Variants in NUP54 observed in about 807,000 individuals in gnomAD.
NUP54 encodes nucleoporin p54.
Under a neutral mutation model 66.4 loss-of-function variants are expected in NUP54, and 27 were observed. That is an observed-to-expected ratio of 0.41 (90% CI 0.30 to 0.56). NUP54 has a LOEUF of 0.56. Among genes scored for constraint, NUP54 ranks in the 20% least tolerant of loss-of-function variants. NUP54 has a pLI of 0.34. For synonymous variants in NUP54, 206 were observed against 210.7 expected (o/e 0.98, Z 0.19); for missense variants, 486 against 596.3 (o/e 0.82, Z 1.93).
At chr4:76,116,396 A>T (rs1416538872) in intron 11 of NUP54, among the ~76,000 whole-genome samples, 1 of 152,206 alleles carries the variant, frequency 6.6e-6, no homozygotes. Flanking sequence ...CCTCAGGGCC[A>T]TGCCAACAGT....
chr4:76,124,729 G>T lies in NUP54; in HGVS notation c.1084C>A (p.Gln362Lys), dbSNP rs1185859741. 7.8e-7 allele frequency: 1 copy of T among 1,275,528 alleles called. No homozygotes were observed. Among genetic ancestry groups the T allele is most frequent in the Non-Finnish European group, 1.1e-6 (1 of 934,302 alleles). 79.0% of individuals were successfully genotyped at this position (1,275,528 alleles called of 1,614,324 possible). Residue 362 changes from glutamine (Q) to lysine (K), a missense_variant, in exon 9 of 12, where the codon CAA (glutamine) becomes AAA (lysine). Around this residue, in one of 4 missense-constraint regions of NUP54, gnomAD observed 217 missense variants for 247.9 expected, o/e 0.88. Transcript: ENST00000264883. Reference sequence around the variant, plus strand: ...GCTACAGATGTAGTTTGATTCTTTTGTAGCTCACTAATATCTTCAGATATG... The same window carrying T: ...GCTACAGATGTAGTTTGATTCTTTTTTAGCTCACTAATATCTTCAGATATG... Reference protein sequence around the residue: ...DIISEDISELQKNQTTSVAKI... With the variant: ...DIISEDISELKKNQTTSVAKI...
In NUP54 at chr4:76,115,174, G is replaced by C. The variant is rs1729893091; in HGVS notation, c.*192C>G. 4 of 434,100 alleles carry C rather than the reference G, an allele frequency of 9.2e-6. 1 individual carries two copies. In the South Asian group the frequency reaches 2.9e-4, roughly 31 times the overall value. 26.9% of individuals were successfully genotyped at this position (434,100 alleles called of 1,614,324 possible). ...GCTTTTAGATATAAATCTTTCAAAG[G>C]TTTTCTTTGAAGAGCTGTGAGGTGA... is the stretch of plus-strand genomic sequence containing the variant. On this transcript the variant is annotated 3_prime_UTR_variant, in exon 12 of 12. Transcript: ENST00000264883.
chr4:76,124,604 A>G, intron 9 of NUP54, 45 bp downstream of exon 9: 1 of 763,510 alleles, frequency 1.3e-6, no homozygotes, highest in East Asian at 2.7e-5. Context: ...ATTATTTCAC[A>G]CACATAGTCT....
chr4:76,140,258 G>A (rs1167549242), intron 3 of NUP54, among the ~76,000 whole-genome samples: 1 of 149,916 alleles, frequency 6.7e-6, no homozygotes, highest in Non-Finnish European at 1.5e-5. Context: ...TGAAGGAATT[G>A]CAATAAGGGA....
chr4:76,136,454 A>G (rs762905784), intron 3 of NUP54, 42 bp from the exon 4 acceptor site: 38 of 1,530,940 alleles, frequency 2.5e-5, no homozygotes, highest in Non-Finnish European at 3.3e-5. Context: ...ACAAAACAAA[A>G]CAAAACTTAA....
At position 76,114,904 on chromosome 4, in the gene NUP54, T is replaced by C. The variant is rs1443462835; in HGVS notation, c.*462A>G. The C allele has an allele frequency of 1.3e-5, 2 of 152,238 alleles. No individual in the cohort carries two copies. Among genetic ancestry groups the C allele is most frequent in the African/African-American group, 4.8e-5 (2 of 41,436 alleles). 9.4% of individuals were successfully genotyped at this position (152,238 alleles called of 1,614,324 possible). On this transcript the variant is annotated 3_prime_UTR_variant, in exon 12 of 12. Transcript: ENST00000264883. Reference sequence around the variant, plus strand: ...TTTCTTTACTCCTCCCACAGATGAGTTCACAAATACAAAAACTGGTGTACA... The same window carrying C: ...TTTCTTTACTCCTCCCACAGATGAGCTCACAAATACAAAAACTGGTGTACA...
At chr4:76,137,491 C>T (rs1236449475) in intron 3 of NUP54, among the ~76,000 whole-genome samples, 1 of 152,034 alleles carries the variant, frequency 6.6e-6, no homozygotes, top group East Asian at 1.9e-4. Context: ...TTGGGGGATA[C>T]AAAGTCTAAA....
intron 3 of NUP54, among the ~76,000 whole-genome samples, chr4:76,142,805 C>T (rs1434241580): frequency 6.6e-6 from 1 of 152,034 alleles, no homozygotes; most frequent in Non-Finnish European, 1.5e-5. Context: ...AGAATGGTAA[C>T]TGCAATGGAT....
chr4:76,128,220 G>A (rs563508090), intron 8 of NUP54, among the ~76,000 whole-genome samples: 1 of 152,122 alleles, frequency 6.6e-6, no homozygotes, highest in East Asian at 1.9e-4. Context: ...TCTGTACACT[G>A]CAGAATGTGT....
At chr4:76,137,976 T>A (rs1467236465) in intron 3 of NUP54, among the ~76,000 whole-genome samples, 2 of 152,186 alleles carry the variant, frequency 1.3e-5, no homozygotes, top group Admixed American at 6.5e-5. Context: ...GGTATGTAGA[T>A]GAGGAGAAAA....
rs1217333459 is a variant in NUP54, at chr4:76,115,296, T to C, written c.*70A>G. The C allele has an allele frequency of 7.3e-7, 1 of 1,367,210 alleles. No homozygotes were observed. The highest frequency in any genetic ancestry group is 2.7e-5 in the East Asian group (1 of 37,052). The allele number at this position is 1,367,210 out of a possible 1,614,324, so 84.7% of individuals were successfully genotyped here. ...TCTTTTTCCCTCCATGTGGTCGGTT[T>C]CATTCTTAAGGAAGGTCTGATGCAG... is the stretch of plus-strand genomic sequence containing the variant. On this transcript the variant is annotated 3_prime_UTR_variant, in exon 12 of 12. Coordinates refer to ENST00000264883, the MANE Select transcript of NUP54 (RefSeq NM_017426.4).
At chr4:76,117,394 AT>A (rs1301437620) in intron 11 of NUP54, among the ~76,000 whole-genome samples, 1 of 152,150 alleles carries the variant, frequency 6.6e-6, no homozygotes, top group Non-Finnish European at 1.5e-5. Context: ...GTGTACAAAT[AT>A]GTTTTGAGTC....
intron 3 of NUP54, among the ~76,000 whole-genome samples, chr4:76,140,961 C>T (rs1578693064): frequency 2.6e-5 from 4 of 152,296 alleles, no homozygotes; most frequent in Admixed American, 1.3e-4. Flanking sequence ...AAAGAGCTAA[C>T]AGAGCAGAAA....
At chr4:76,146,293 T>C (rs775313910) in intron 1 of NUP54, among the ~76,000 whole-genome samples, 3 of 152,180 alleles carry the variant, frequency 2.0e-5, no homozygotes, top group Non-Finnish European at 4.4e-5. Context: ...ACAAGTTTAT[T>C]TATTGTTGTT....
Position 76,136,371 on chromosome 4 carries a change from G to C in NUP54, c.337C>G (p.Gln113Glu). The change falls in exon 4 of 12, where the codon CAG becomes GAG. Residue 113 changes from glutamine (Q) to glutamate (E), a missense_variant. Coordinates refer to ENST00000264883, the MANE Select transcript of NUP54 (RefSeq NM_017426.4). ...LFSQPTQAPT[Q>E]SNQLINTASA... ...GCAGTATTTATCAGCTGGTTGGACT[G>C]GGTAGGAGCTTGTGTAGGCTGACTG... 1 of 1,614,108 alleles carries C rather than the reference G, an allele frequency of 6.2e-7. No individual in the cohort carries two copies. Among genetic ancestry groups the C allele is most frequent in the East Asian group, 2.2e-5 (1 of 44,880 alleles).
At chr4:76,134,111 T>C in intron 5 of NUP54, 64 bp downstream of exon 5, 3 of 1,174,818 alleles carry the variant, frequency 2.6e-6, no homozygotes, top group East Asian at 5.0e-5. Flanking sequence ...AAAACATTAT[T>C]GATCACTCCC....
At position 76,147,772 on chromosome 4, in the gene NUP54, C is replaced by T. The variant is rs914779408; in HGVS notation, c.67+536G>A. The T allele has an allele frequency of 3.5e-5, 22 of 631,082 alleles. No homozygotes were observed. The South Asian group carries it at 4.0e-4, about 11-fold the overall frequency. The allele number at this position is 631,082 out of a possible 1,614,324, so 39.1% of individuals were successfully genotyped here. On this transcript the variant is annotated intron_variant, in intron 1 of 11. Transcript: ENST00000264883. Reference sequence around the variant, plus strand: ...TGAACAAACCTGGTTTTGCTCCAAACAGTTTAAGAAAGCAGAGTGGGGGTG... The same window carrying T: ...TGAACAAACCTGGTTTTGCTCCAAATAGTTTAAGAAAGCAGAGTGGGGGTG...
At chr4:76,128,962 G>A (rs903999821) in intron 8 of NUP54, among the ~76,000 whole-genome samples, 1 of 152,194 alleles carries the variant, frequency 6.6e-6, no homozygotes, top group Non-Finnish European at 1.5e-5. Flanking sequence ...GCCAAAGGTT[G>A]CTTAACAGAT....
intron 11 of NUP54, among the ~76,000 whole-genome samples, chr4:76,115,739 T>C (rs1012670366): frequency 1.3e-5 from 2 of 152,148 alleles, no homozygotes; most frequent in Non-Finnish European, 2.9e-5. Context: ...AACAAAAATG[T>C]TTTTTAGATA....
Sources: gnomAD v4.1 joint callset for allele counts (sites outside exome capture counted in the v4.1 genomes callset) on GRCh38, gnomAD v4.1.1 for gene constraint, gnomAD v4.1.1 regional missense constraint, MANE v1.5 for transcripts, NCBI Gene and HGNC (gene_info 2026-07-23, HGNC 2026-07-21) for gene names.